MYO1D: variants seen among roughly 807,000 people sequenced by gnomAD.
The protein encoded by MYO1D is myosin ID, also known as unconventional myosin-Id.
A neutral mutation model predicts 122.0 loss-of-function variants in MYO1D; 83 were observed. That is an observed-to-expected ratio of 0.68 (90% confidence interval 0.57 to 0.82). The LOEUF (loss-of-function observed/expected upper bound fraction) is 0.82, where lower values mean the gene tolerates loss of function less well. MYO1D is among the 40% of genes least tolerant of loss of function. MYO1D has a pLI of 0.00. For missense variants in MYO1D, 1,157 were observed against 1,269.5 expected (o/e 0.91, Z 1.35); for synonymous variants, 464 against 446.9 (o/e 1.04, Z -0.48).
chr17:32,607,173 A>T (rs969565198), intron 20 of MYO1D, among the ~76,000 whole-genome samples: 1 of 151,926 alleles, frequency 6.6e-6, no homozygotes, highest in African/African-American at 2.4e-5. Flanking sequence ...GAAAAAAAAA[A>T]TTAAAAAGCA....
At position 32,646,176 on chromosome 17, in the gene MYO1D, T is replaced by G. The variant is rs1349154546; in HGVS notation, c.2596-7341A>C. Among the ~76,000 whole-genome samples the G allele has an allele frequency of 2.6e-5, 4 of 152,208 alleles. No individual in the cohort carries two copies. The East Asian group carries it at 7.7e-4, about 29-fold the overall frequency. On this transcript the variant is annotated intron_variant, in intron 19 of 21. Transcript: ENST00000318217. ...GTGAGAATTCTGCACTTAAAGAGCA[T>G]GTTTAACCCAGTATTTACAAAATAC... is the stretch of plus-strand genomic sequence containing the variant.
At chr17:32,747,521 C>T (rs1020476058) in intron 12 of MYO1D, among the ~76,000 whole-genome samples, 15 of 151,934 alleles carry the variant, frequency 9.9e-5, no homozygotes, top group Non-Finnish European at 1.6e-4. Context: ...CTCTACATAC[C>T]ATATCAAATG....
intron 1 of MYO1D, among the ~76,000 whole-genome samples, chr17:32,802,623 A>C (rs2090470186): frequency 6.6e-6 from 1 of 152,234 alleles, no homozygotes; most frequent in Non-Finnish European, 1.5e-5. Flanking sequence ...TTTCAAACTT[A>C]AAAGTTGTAA....
rs778962853 is a variant in MYO1D at position 32,721,158 on chromosome 17, T to C, written c.1778A>G (p.Asn593Ser). The C allele has an allele frequency of 4.5e-5, 72 of 1,613,922 alleles. No individual in the cohort carries two copies. Among genetic ancestry groups the C allele is most frequent in the Non-Finnish European group, 5.5e-5 (65 of 1,179,966 alleles). Reference protein sequence around the residue: ...EPYYVRCIKPNDKKSPQIFDD... With the variant: ...EPYYVRCIKPSDKKSPQIFDD... ...AAATATCTGTGGAGATTTCTTGTCA[T>C]TGGGTTTGATGCAACGAACGTAATA... The change falls in exon 15 of 22, where the codon AAT becomes AGT. Residue 593 changes from asparagine (N) to serine (S), a missense_variant. By Grantham distance (46) the Asn-to-Ser change is conservative. Coordinates refer to ENST00000318217, the MANE Select transcript of MYO1D (RefSeq NM_015194.3).
intron 12 of MYO1D, among the ~76,000 whole-genome samples, chr17:32,747,247 T>C (rs2089847393): frequency 6.6e-6 from 1 of 152,228 alleles, no homozygotes; most frequent in Admixed American, 6.5e-5. Flanking sequence ...TCATTTACCT[T>C]TTTTTGTTTA....
intron 16 of MYO1D, among the ~76,000 whole-genome samples, chr17:32,679,386 G>A (rs2088872897): frequency 6.6e-6 from 1 of 151,974 alleles, no homozygotes; most frequent in South Asian, 2.1e-4. Context: ...GGTTTTTATG[G>A]TTTTAGGTCT....
chr17:32,613,822 C>T (rs1376510754), intron 20 of MYO1D, among the ~76,000 whole-genome samples: 1 of 81,546 alleles, frequency 1.2e-5, no homozygotes, highest in African/African-American at 4.3e-5. Flanking sequence ...AAAGAAATAC[C>T]TCAATATAAC....
intron 16 of MYO1D, among the ~76,000 whole-genome samples, chr17:32,679,918 T>C (rs2088884048): frequency 6.7e-6 from 1 of 150,368 alleles, no homozygotes; most frequent in South Asian, 2.1e-4. Flanking sequence ...CATTTGTTTG[T>C]ATCCTCTTTT....
intron 16 of MYO1D, among the ~76,000 whole-genome samples, chr17:32,698,146 CTTAG>C (rs2089197145): frequency 1.3e-5 from 2 of 152,212 alleles, no homozygotes; most frequent in Non-Finnish European, 2.9e-5. Flanking sequence ...CTTGTAATGA[CTTAG>C]TTAAATAACC....
Position 32,767,788 on chromosome 17 carries a change from T to C in MYO1D, c.715-36A>G, listed in dbSNP as rs745337203. ...AAATGAAAAACTGAAGTTACAGATA[T>C]TTCCTATGAGCATTAAAATTCAACA... On this transcript the variant is annotated intron_variant, in intron 6 of 21. Transcript: ENST00000318217. 4 of 1,422,746 alleles carry C rather than the reference T, an allele frequency of 2.8e-6. No homozygotes were observed. In the South Asian group the frequency reaches 4.6e-5, roughly 16 times the overall value. The allele number at this position is 1,422,746 out of a possible 1,614,324, so 88.1% of individuals were successfully genotyped here.
At chr17:32,584,359 A>G (rs898927929) in intron 21 of MYO1D, among the ~76,000 whole-genome samples, 1 of 152,198 alleles carries the variant, frequency 6.6e-6, no homozygotes, top group Non-Finnish European at 1.5e-5. Context: ...CTGAACCTCA[A>G]GAAATAGATT....
intron 21 of MYO1D, among the ~76,000 whole-genome samples, chr17:32,601,234 C>T (rs1310831802): frequency 6.6e-6 from 1 of 152,112 alleles, no homozygotes; most frequent in South Asian, 2.1e-4. Flanking sequence ...TGATACCTGG[C>T]TCATTTCTAG....
intron 21 of MYO1D, among the ~76,000 whole-genome samples, chr17:32,566,013 CCG>C (rs202101055): frequency 1.3e-5 from 2 of 152,260 alleles, no homozygotes; most frequent in East Asian, 1.9e-4. Flanking sequence ...ATGTGAGCCA[CCG>C]CACCCGGCCT....
At chr17:32,702,413 T>G (rs937208928) in intron 16 of MYO1D, among the ~76,000 whole-genome samples, 6 of 152,218 alleles carry the variant, frequency 3.9e-5, no homozygotes, top group Non-Finnish European at 8.8e-5. Flanking sequence ...GAATTCCACA[T>G]AAAATTAGAA....
chr17:32,809,499 C>A (rs139430200), intron 1 of MYO1D, among the ~76,000 whole-genome samples: 1 of 145,574 alleles, frequency 6.9e-6, no homozygotes, highest in Non-Finnish European at 1.5e-5. Flanking sequence ...AGGGCAGTGG[C>A]GTGTTCTTGG....
At chr17:32,530,025 G>A (rs1355244827) in intron 21 of MYO1D, 2 of 152,360 alleles carry the variant, frequency 1.3e-5, no homozygotes, top group East Asian at 3.9e-4. Flanking sequence ...TACAGCACTA[G>A]AGGAGGTTTC....
chr17:32,603,716 G>A (rs2087591069), intron 21 of MYO1D, among the ~76,000 whole-genome samples: 2 of 151,702 alleles, frequency 1.3e-5, no homozygotes, highest in South Asian at 4.1e-4. Context: ...TAGTAGAGAC[G>A]GGGTTTCACT....
chr17:32,791,937 T>A (rs2090356858), intron 1 of MYO1D, among the ~76,000 whole-genome samples: 1 of 152,192 alleles, frequency 6.6e-6, no homozygotes, highest in African/African-American at 2.4e-5. Context: ...AGAAACAGTT[T>A]AGTTGTTGTT....
chr17:32,694,081 C>G (rs986559061), intron 16 of MYO1D, among the ~76,000 whole-genome samples: 13 of 152,146 alleles, frequency 8.5e-5, no homozygotes, highest in African/African-American at 3.1e-4. Context: ...AATAGCGCTG[C>G]TTAGTAATAT....
Sources: allele counts gnomAD v4.1 joint callset (sites outside exome capture counted in the v4.1 genomes callset), GRCh38; gene constraint gnomAD v4.1.1; transcripts MANE v1.5; gene names NCBI Gene and HGNC (gene_info 2026-07-23, HGNC 2026-07-21).